The following CACNA2D3 variants were observed in gnomAD, a reference collection of about 807,000 sequenced individuals.
The protein encoded by CACNA2D3 is voltage-dependent calcium channel subunit alpha-2/delta-3.
Under a neutral mutation model 160.6 loss-of-function variants are expected in CACNA2D3, and 60 were observed. The ratio of observed to expected loss-of-function variants is 0.37; its 90% CI spans 0.30 to 0.46. The LOEUF is 0.46. Ranked by LOEUF, CACNA2D3 falls within the 20% of genes least tolerant of loss-of-function variation. CACNA2D3 has a pLI of 1.00. For synonymous variants in CACNA2D3, 558 were observed against 492.9 expected, an observed-to-expected ratio of 1.13 and a Z score of -1.75; for missense variants, 1,205 against 1,365.0, an observed-to-expected ratio of 0.88 and a Z score of 1.85.
chr3:54,842,926 C>T (rs1698851842), intron 16 of CACNA2D3, among the ~76,000 whole-genome samples: 1 of 151,394 alleles, frequency 6.6e-6, no homozygotes, highest in Non-Finnish European at 1.5e-5. Flanking sequence ...TAGGACAAAT[C>T]AGAGGAAGGA....
chr3:54,758,649 A>G (rs1275443567), intron 12 of CACNA2D3, among the ~76,000 whole-genome samples: 2 of 152,190 alleles, frequency 1.3e-5, no homozygotes, highest in Non-Finnish European at 2.9e-5. Context: ...GCGTCTTCCA[A>G]GAACACCATT....
At chr3:54,851,702 T>G (rs932046160) in intron 17 of CACNA2D3, among the ~76,000 whole-genome samples, 1 of 152,232 alleles carries the variant, frequency 6.6e-6, no homozygotes, top group African/African-American at 2.4e-5. Flanking sequence ...TCAAATTTTC[T>G]AGGAGCCACA....
At chr3:55,010,386 A>G (rs1039556836) in intron 34 of CACNA2D3, among the ~76,000 whole-genome samples, 16 of 152,202 alleles carry the variant, frequency 1.1e-4, no homozygotes, top group Non-Finnish European at 2.1e-4. Context: ...CACCTAAAAT[A>G]AAAGTTGGAA....
chr3:54,900,170 A>C (rs1334552182), intron 27 of CACNA2D3, among the ~76,000 whole-genome samples: 4 of 152,176 alleles, frequency 2.6e-5, no homozygotes, highest in Admixed American at 1.3e-4. Flanking sequence ...TGTTCATTCA[A>C]AGTAAACTCC....
At chr3:54,930,406 G>A (rs908415) in intron 27 of CACNA2D3, among the ~76,000 whole-genome samples, 99,653 of 152,158 alleles carry the variant, frequency 0.65, 33,627 homozygotes, top group African/African-American at 0.81. Flanking sequence ...CTACTTACCA[G>A]CTTTAAGGGG....
At chr3:54,280,905 T>G (rs564048391) in intron 2 of CACNA2D3, among the ~76,000 whole-genome samples, 1 of 152,308 alleles carries the variant, frequency 6.6e-6, no homozygotes, top group Non-Finnish European at 1.5e-5. Context: ...GCCCACACAC[T>G]CCATACTTCC....
chr3:54,483,592 A>T (rs2106904758), intron 4 of CACNA2D3, among the ~76,000 whole-genome samples: 1 of 152,266 alleles, frequency 6.6e-6, no homozygotes, highest in East Asian at 1.9e-4. Context: ...TTTGATGTTT[A>T]ATTTTTTATC....
At chr3:54,731,876 G>A (rs1245084719) in intron 11 of CACNA2D3, among the ~76,000 whole-genome samples, 2 of 152,006 alleles carry the variant, frequency 1.3e-5, no homozygotes, top group Non-Finnish European at 2.9e-5. Context: ...TAGGGCAATG[G>A]CGTGGATCAA....
chr3:54,917,135 T>C (rs189399598), intron 27 of CACNA2D3, among the ~76,000 whole-genome samples: 64 of 152,326 alleles, frequency 4.2e-4, no homozygotes, highest in Admixed American at 9.1e-4. Context: ...TAAGAAAACC[T>C]AGCATGAGAA....
At chr3:54,192,008 G>C (rs1700993626) in intron 2 of CACNA2D3, among the ~76,000 whole-genome samples, 1 of 152,138 alleles carries the variant, frequency 6.6e-6, no homozygotes, top group Non-Finnish European at 1.5e-5. Flanking sequence ...GTTTATTTGG[G>C]ACCTGCCAGC....
intron 17 of CACNA2D3, among the ~76,000 whole-genome samples, chr3:54,849,499 T>A (rs1337650427): frequency 6.6e-6 from 1 of 152,138 alleles, no homozygotes; most frequent in Non-Finnish European, 1.5e-5. Flanking sequence ...CTTCTGGAGG[T>A]TGTAAATGAC....
At chr3:55,037,558 G>A (rs1159302592) in intron 35 of CACNA2D3, among the ~76,000 whole-genome samples, 1 of 152,156 alleles carries the variant, frequency 6.6e-6, no homozygotes, top group East Asian at 1.9e-4. Flanking sequence ...AAGCCAGGAT[G>A]CAGAAGTCTG....
At chr3:54,405,487 A>T (rs779073872) in intron 4 of CACNA2D3, among the ~76,000 whole-genome samples, 1 of 152,128 alleles carries the variant, frequency 6.6e-6, no homozygotes, top group Non-Finnish European at 1.5e-5. Context: ...TAGTCTCATT[A>T]ATAAATGGTG....
intron 3 of CACNA2D3, among the ~76,000 whole-genome samples, chr3:54,321,211 T>G (rs1255567660): frequency 6.6e-6 from 1 of 151,896 alleles, no homozygotes; most frequent in Non-Finnish European, 1.5e-5. Flanking sequence ...TCCCAGCTAC[T>G]TGGGAGGCTG....
In CACNA2D3 at chr3:54,570,084, G is replaced by A; in HGVS notation, c.868G>A (p.Asp290Asn). 1 of 1,613,718 alleles carries A rather than the reference G, an allele frequency of 6.2e-7. No homozygotes were observed. Among genetic ancestry groups the A allele is most frequent in the Non-Finnish European group, 8.5e-7 (1 of 1,179,658 alleles). Residue 290 changes from aspartate to asparagine, a missense_variant, in exon 8 of 38, where the codon GAC (aspartate) becomes AAC (asparagine). Around this residue, in one of 3 missense-constraint regions of CACNA2D3, gnomAD observed 911 missense variants for 1,002.2 expected, o/e 0.91. Transcript: ENST00000474759. ...SSILDTLGDD[D>N]FFNIIAYNEE... is the part of the protein sequence containing the mutation. ...CATTTTGGATACACTTGGGGATGAT[G>A]ACTTCTTCAACATAATTGCTGTGAG...
intron 11 of CACNA2D3, among the ~76,000 whole-genome samples, chr3:54,701,802 G>A (rs542574899): frequency 1.3e-5 from 2 of 152,024 alleles, no homozygotes; most frequent in East Asian, 1.9e-4. Flanking sequence ...ATCTTAAGCC[G>A]AAAGAATAAA....
At chr3:54,478,346 A>G (rs760588993) in intron 4 of CACNA2D3, among the ~76,000 whole-genome samples, 2 of 152,096 alleles carry the variant, frequency 1.3e-5, no homozygotes, top group Non-Finnish European at 2.9e-5. Flanking sequence ...TAAGTTTAAA[A>G]CTGCAGCCAG....
intron 5 of CACNA2D3, among the ~76,000 whole-genome samples, chr3:54,547,672 C>CTTTTTTTTT (rs55806357): frequency 1.4e-5 from 1 of 69,282 alleles, no homozygotes; most frequent in African/African-American, 5.6e-5. Flanking sequence ...TCCCCCAACC[C>CTTTTTTTTT]TTTTTTTTTT....
At chr3:54,615,480 C>A (rs1395971077) in intron 9 of CACNA2D3, among the ~76,000 whole-genome samples, 1 of 152,228 alleles carries the variant, frequency 6.6e-6, no homozygotes, top group East Asian at 1.9e-4. Flanking sequence ...GTTATTTCTT[C>A]AACAAAACTT....
Sources: gnomAD v4.1 joint callset for allele counts (sites outside exome capture counted in the v4.1 genomes callset) on GRCh38, gnomAD v4.1.1 for gene constraint, gnomAD v4.1.1 regional missense constraint, MANE v1.5 for transcripts, NCBI Gene and HGNC (gene_info 2026-07-23, HGNC 2026-07-21) for gene names.